The following CDH23 variants were observed in gnomAD, a reference collection of about 807,000 sequenced individuals.
The protein encoded by CDH23 is cadherin-23.
CDH23 carries 189 observed loss-of-function variants against 317.1 expected under a neutral mutation model. The observed-to-expected ratio is 0.60, with a 90% CI of 0.53 to 0.67. The LOEUF is 0.67. Ranked by LOEUF, CDH23 falls within the 30% of genes least tolerant of loss-of-function variation. The pLI is 0.00. For synonymous variants in CDH23, 1,839 were observed against 1,876.8 expected (o/e 0.98, Z 0.52); for missense variants, 4,401 against 4,592.4 (o/e 0.96, Z 1.20).
chr10:71,530,030 T>TACAC (rs1296273359), intron 6 of CDH23, among the ~76,000 whole-genome samples: 8 of 71,112 alleles, frequency 1.1e-4, no homozygotes, highest in African/African-American at 4.8e-4. Flanking sequence ...CATACACACA[T>TACAC]ACAGACACAC....
chr10:71,581,010 C>T (rs3998531), intron 9 of CDH23, among the ~76,000 whole-genome samples: 51,038 of 152,100 alleles, frequency 0.34, 8,904 homozygotes, highest in Middle Eastern at 0.4. Flanking sequence ...TACTTCCTTC[C>T]ACCAGTGTAG....
chr10:71,773,458 G>C, intron 38 of CDH23: 2 of 1,580,208 alleles, frequency 1.3e-6, no homozygotes, highest in Non-Finnish European at 1.7e-6. Flanking sequence ...CGGACGCGCA[G>C]AGGAACTTCT....
intron 8 of CDH23, among the ~76,000 whole-genome samples, chr10:71,575,777 A>G (rs565135622): frequency 5.9e-5 from 9 of 152,328 alleles, no homozygotes; most frequent in Admixed American, 1.3e-4. Context: ...GTTTCAGTAT[A>G]TTGAAAATAT....
chr10:71,803,393 C>G lies in CDH23; in HGVS notation c.7845C>G (p.Pro2615=). ...ACCGCCCTGTCTTTGTGCGCCCACC[C>G]AACGGCACCATCCTCCACATCAGAG... The part of the protein sequence containing the change: ...NDNRPVFVRP[P]NGTILHIREE... Residue 2615 remains proline (P), a synonymous_variant, in exon 55 of 70, where the codon CCC becomes CCG. Transcript: ENST00000224721. 1 of 1,597,460 alleles carries G rather than the reference C, an allele frequency of 6.3e-7. No individual in the cohort carries two copies. The highest frequency in any genetic ancestry group is 8.5e-7 in the Non-Finnish European group (1 of 1,172,702).
intron 41 of CDH23, among the ~76,000 whole-genome samples, chr10:71,784,072 T>C (rs1164934507): frequency 6.6e-6 from 1 of 152,186 alleles, no homozygotes; most frequent in Non-Finnish European, 1.5e-5. Flanking sequence ...CGTGTCCGCC[T>C]GCACCCGTGG....
At chr10:71,539,285 G>A (rs1252896491) in intron 6 of CDH23, among the ~76,000 whole-genome samples, 1 of 152,114 alleles carries the variant, frequency 6.6e-6, no homozygotes, top group Non-Finnish European at 1.5e-5. Flanking sequence ...CCTCATGCCT[G>A]TCCAGACCAG....
rs368424246 is a variant in CDH23 at position 71,459,008 on chromosome 10, C to T, written c.145+12613C>T. ...TTCACCGTGTTAGCCAGGATGGTCT[C>T]GATCTCGACCTTGTGATCCAGCCCG... On this transcript the variant is annotated intron_variant, in intron 3 of 69. Transcript: ENST00000224721. 3.3e-5 allele frequency among the ~76,000 whole-genome samples: 5 copies of T among 150,938 alleles called. No homozygotes were observed. The South Asian group carries it at 6.3e-4, about 19-fold the overall frequency.
In CDH23 at chr10:71,759,884, C is replaced by CACATATATATACACACACATAT. The variant is rs1554868497; in HGVS notation, c.4846-17795_4846-17794insCATATATATACACACACATATA. ...ACACACATATATATACACACACACA[C>CACATATATATACACACACATAT]ATATACACACACACATATATACACA... On this transcript the variant is annotated intron_variant, in intron 38 of 69. Coordinates refer to ENST00000224721, the MANE Select transcript of CDH23 (RefSeq NM_022124.6). Among the ~76,000 whole-genome samples, 9 of 49,188 alleles carry CACATATATATACACACACATAT rather than the reference C, an allele frequency of 1.8e-4. 2 individuals carry two copies. The highest frequency in any genetic ancestry group is 8.9e-4 in the East Asian group (1 of 1,128). 32.3% of individuals were successfully genotyped at this position (49,188 alleles called of 152,430 possible). A position where few individuals can be genotyped will look rare whatever the true frequency, so the allele number is the denominator to read the frequency against.
chr10:71,473,547 G>A (rs903414692), intron 3 of CDH23, among the ~76,000 whole-genome samples: 6 of 152,102 alleles, frequency 3.9e-5, no homozygotes, highest in African/African-American at 1.2e-4. Flanking sequence ...AGGCTGCCTG[G>A]GCCCAAATCC....
chr10:71,702,559 C>T lies in CDH23; in HGVS notation c.2598C>T (p.Pro866=). 3 of 1,613,972 alleles carry T rather than the reference C, an allele frequency of 1.9e-6. No homozygotes were observed. Among genetic ancestry groups the T allele is most frequent in the Non-Finnish European group, 2.5e-6 (3 of 1,179,888 alleles). The change falls in exon 24 of 70, where the codon CCC becomes CCT. Residue 866 remains proline (P), a synonymous_variant. Transcript: ENST00000224721. Reference sequence around the variant, plus strand: ...CCCTGGTCTTCCCAGGTGGCAGGCCCCCTCTGAAAGCCACCAGCAGTGCCA... The same window carrying T: ...CCCTGGTCTTCCCAGGTGGCAGGCCTCCTCTGAAAGCCACCAGCAGTGCCA... ...IVVSVTDCGR[P]PLKATSSATV...
intron 38 of CDH23, among the ~76,000 whole-genome samples, chr10:71,743,310 C>T (rs1451921554): frequency 6.6e-6 from 1 of 152,170 alleles, no homozygotes; most frequent in African/African-American, 2.4e-5. Flanking sequence ...CAGCTCTGTC[C>T]CTCTCATAGC....
intron 50 of CDH23, 137 bp downstream of exon 50, chr10:71,798,715 T>C: frequency 1.4e-6 from 1 of 721,316 alleles, no homozygotes. Flanking sequence ...CCATGCCAGA[T>C]TCCAGATGCC....
chr10:71,788,866 C>G, intron 44 of CDH23, 74 bp from the exon 45 acceptor site: 1 of 784,070 alleles, frequency 1.3e-6, no homozygotes, highest in South Asian at 1.4e-5. Context: ...CCCAACCTCC[C>G]AACCCTCCTC....
chr10:71,691,549 A>T (rs1252500988), intron 20 of CDH23, among the ~76,000 whole-genome samples: 1 of 152,210 alleles, frequency 6.6e-6, no homozygotes, highest in African/African-American at 2.4e-5. Flanking sequence ...TCAAATTCAT[A>T]TAGTCAACCC....
At chr10:71,482,071 C>T (rs1358456547) in intron 3 of CDH23, among the ~76,000 whole-genome samples, 1 of 152,172 alleles carries the variant, frequency 6.6e-6, no homozygotes, top group African/African-American at 2.4e-5. Flanking sequence ...GAGGGCCTGG[C>T]CAAGTCCCTG....
chr10:71,607,444 CAG>C (rs1387174451), intron 9 of CDH23, among the ~76,000 whole-genome samples: 2 of 152,256 alleles, frequency 1.3e-5, no homozygotes, highest in African/African-American at 4.8e-5. Context: ...GTGTCTGTCT[CAG>C]GGGTTTTGTG....
At chr10:71,726,822 C>T (rs775926484) in intron 30 of CDH23, among the ~76,000 whole-genome samples, 3 of 152,346 alleles carry the variant, frequency 2.0e-5, no homozygotes, top group Admixed American at 6.5e-5. Context: ...ATGTGGCCCT[C>T]GCTCCCCGCT....
intron 1 of CDH23, among the ~76,000 whole-genome samples, chr10:71,422,331 C>A (rs1368309386): frequency 6.6e-6 from 1 of 152,228 alleles, no homozygotes. Flanking sequence ...GGTTCGAATT[C>A]TGCCATTGTC....
intron 50 of CDH23, among the ~76,000 whole-genome samples, chr10:71,798,861 G>T (rs1160242044): frequency 2.6e-5 from 4 of 152,166 alleles, no homozygotes; most frequent in Non-Finnish European, 4.4e-5. Flanking sequence ...GGCCAAGAAG[G>T]AGGTGTCTCA....
Sources: gnomAD v4.1 joint callset for allele counts (sites outside exome capture counted in the v4.1 genomes callset) on GRCh38, gnomAD v4.1.1 for gene constraint, MANE v1.5 for transcripts, NCBI Gene and HGNC (gene_info 2026-07-23, HGNC 2026-07-21) for gene names.